SCHIP1: variants seen among roughly 807,000 people sequenced by gnomAD.
SCHIP1 encodes schwannomin interacting protein 1.
In SCHIP1, 8 loss-of-function variants were observed where a neutral mutation model predicts 29.7. The ratio of observed to expected loss-of-function variants is 0.27; its 90% CI spans 0.16 to 0.49. The LOEUF (loss-of-function observed/expected upper bound fraction) is 0.49. Ranked by LOEUF, SCHIP1 falls within the 20% of genes least tolerant of loss-of-function variation. SCHIP1 has a pLI of 0.99. For missense variants in SCHIP1, 193 were observed against 294.6 expected (o/e 0.66, Z 2.52); for synonymous variants, 76 against 94.9 (o/e 0.80, Z 1.16).
At chr3:159,548,262 C>T in the SCHIP1 span, among the ~76,000 whole-genome samples, 1 of 151,900 alleles carries the variant, frequency 6.6e-6, no homozygotes, top group African/African-American at 2.4e-5. Flanking sequence ...TTTATTTATG[C>T]ATTTAATTTC....
At chr3:159,497,211 C>T in the SCHIP1 span, among the ~76,000 whole-genome samples, 5,361 of 151,864 alleles carry the variant, frequency 0.035, 120 homozygotes, top group Middle Eastern at 0.055. Flanking sequence ...AACAAACCTG[C>T]ATGTTGTGCA....
At chr3:159,772,806 TCTCAG>T in the SCHIP1 span, among the ~76,000 whole-genome samples, 2 of 152,174 alleles carry the variant, frequency 1.3e-5, no homozygotes, top group Non-Finnish European at 2.9e-5. Flanking sequence ...AGTGGCGCAA[TCTCAG>T]CTCACTGCAA....
At chr3:159,775,726 C>T in the SCHIP1 span, among the ~76,000 whole-genome samples, 3 of 152,166 alleles carry the variant, frequency 2.0e-5, no homozygotes, top group Non-Finnish European at 4.4e-5. Flanking sequence ...GGGTTGTAGG[C>T]GTGCCTGGAA....
chr3:159,596,145 A>T, the SCHIP1 span, among the ~76,000 whole-genome samples: 1 of 152,246 alleles, frequency 6.6e-6, no homozygotes. Flanking sequence ...AAAGGATATG[A>T]ACAGACACTT....
chr3:159,877,183 C>G (rs1231102075), intron 2 of SCHIP1, among the ~76,000 whole-genome samples: 2 of 152,096 alleles, frequency 1.3e-5, no homozygotes, highest in Non-Finnish European at 2.9e-5. Flanking sequence ...ACCCCCATCT[C>G]TACTAAAAAT....
chr3:159,525,474 G>T, the SCHIP1 span, among the ~76,000 whole-genome samples: 1 of 152,284 alleles, frequency 6.6e-6, no homozygotes, highest in South Asian at 2.1e-4. Flanking sequence ...TACCCTTGAG[G>T]TGCTGAAGCA....
the SCHIP1 span, among the ~76,000 whole-genome samples, chr3:159,826,113 G>A: frequency 6.6e-6 from 1 of 152,314 alleles, no homozygotes; most frequent in African/African-American, 2.4e-5. Flanking sequence ...CGAGGAGTTT[G>A]AAACCAAGAT....
intron 1 of SCHIP1, among the ~76,000 whole-genome samples, chr3:159,843,098 C>T (rs978342441): frequency 4.2e-5 from 6 of 143,676 alleles, no homozygotes; most frequent in African/African-American, 1.5e-4. Context: ...CAATCAAACT[C>T]AGCTGCTGAG....
the SCHIP1 span, among the ~76,000 whole-genome samples, chr3:159,608,989 T>C: frequency 6.6e-6 from 1 of 152,220 alleles, no homozygotes; most frequent in South Asian, 2.1e-4. Flanking sequence ...CCATTCATCA[T>C]ACCTAGATAA....
the SCHIP1 span, among the ~76,000 whole-genome samples, chr3:159,559,796 T>A: frequency 1.3e-5 from 2 of 152,136 alleles, no homozygotes; most frequent in African/African-American, 4.8e-5. Flanking sequence ...TTTTCCTAGA[T>A]GAGAGTATTT....
intron 2 of SCHIP1, among the ~76,000 whole-genome samples, chr3:159,874,761 G>A (rs957907344): frequency 7.9e-5 from 12 of 152,172 alleles, no homozygotes; most frequent in Non-Finnish European, 1.3e-4. Flanking sequence ...CAGCGTTAAT[G>A]AGGAAAGAGG....
intron 2 of SCHIP1, among the ~76,000 whole-genome samples, chr3:159,866,692 C>T (rs973002766): frequency 5.3e-5 from 8 of 152,046 alleles, no homozygotes; most frequent in Non-Finnish European, 8.8e-5. Flanking sequence ...AATAAATACT[C>T]GTAACTGAGA....
chr3:159,654,448 A>C, the SCHIP1 span, among the ~76,000 whole-genome samples: 4 of 152,152 alleles, frequency 2.6e-5, no homozygotes, highest in Non-Finnish European at 4.4e-5. Context: ...GATTATCTAT[A>C]AAGTCTTTTT....
At chr3:159,738,156 A>G in the SCHIP1 span, among the ~76,000 whole-genome samples, 14 of 151,430 alleles carry the variant, frequency 9.2e-5, no homozygotes, top group African/African-American at 2.5e-5. Flanking sequence ...ATGTTTTAAC[A>G]TGATTGACAC....
the SCHIP1 span, among the ~76,000 whole-genome samples, chr3:159,408,928 G>A: frequency 6.6e-6 from 1 of 152,112 alleles, no homozygotes; most frequent in East Asian, 1.9e-4. Context: ...ACATTAGAAA[G>A]ATCATTCATT....
chr3:159,462,581 C>T, the SCHIP1 span, among the ~76,000 whole-genome samples: 3 of 152,126 alleles, frequency 2.0e-5, no homozygotes, highest in Admixed American at 1.3e-4. Flanking sequence ...CACCTCACAG[C>T]CTCCAGATTA....
chr3:159,783,523 G>A, the SCHIP1 span, among the ~76,000 whole-genome samples: 50 of 152,272 alleles, frequency 3.3e-4, no homozygotes, highest in Non-Finnish European at 4.4e-4. Flanking sequence ...GCCATCTTGC[G>A]CACAATAAAA....
chr3:159,334,510 C>A, the SCHIP1 span, among the ~76,000 whole-genome samples: 1 of 152,188 alleles, frequency 6.6e-6, no homozygotes, highest in African/African-American at 2.4e-5. Context: ...TTCAGGTAAC[C>A]ACCACCACAA....
chr3:159,847,608 C>T (rs1178006552), intron 1 of SCHIP1, among the ~76,000 whole-genome samples: 6 of 152,058 alleles, frequency 3.9e-5, no homozygotes, highest in Non-Finnish European at 7.4e-5. Context: ...GGAAGCTGTG[C>T]GATGGTCATC....
Sources: gnomAD v4.1 joint callset for allele counts (sites outside exome capture counted in the v4.1 genomes callset) on GRCh38, gnomAD v4.1.1 for gene constraint, MANE v1.5 for transcripts, NCBI Gene and HGNC (gene_info 2026-07-23, HGNC 2026-07-21) for gene names.